Variants in CRACR2A observed in about 807,000 individuals in gnomAD.
CRACR2A encodes EF-hand calcium-binding domain-containing protein 4B.
Under a neutral mutation model 90.5 loss-of-function variants are expected in CRACR2A, and 79 were observed. The ratio of observed to expected loss-of-function variants is 0.87; its 90% CI spans 0.73 to 1.05. The LOEUF is 1.05. Ranked by LOEUF, CRACR2A falls within the 50% of genes least tolerant of loss-of-function variation. The pLI is 0.00. For synonymous variants in CRACR2A, 338 were observed against 356.7 expected (o/e 0.95, Z 0.59); for missense variants, 823 against 897.2 (o/e 0.92, Z 1.06).
At position 3,696,943 on chromosome 12, in the gene CRACR2A, A is replaced by G. The variant is rs1175738571; in HGVS notation, c.57T>C (p.Ser19=). 1 of 1,614,058 alleles carries G rather than the reference A, an allele frequency of 6.2e-7. No homozygotes were observed. Among genetic ancestry groups the G allele is most frequent in the Non-Finnish European group, 8.5e-7 (1 of 1,180,016 alleles). ...VSRPQRLGQG[S]GQGPKGSGAC... is the part of the protein sequence containing the mutation. ...CTCCACTCCCCTTTGGCCCCTGGCC[A>G]GACCCCTGACCAAGTCTCTGGGGTC... The change falls in exon 4 of 20, where the codon TCT becomes TCC. Residue 19 remains serine, a synonymous_variant. Transcript: ENST00000440314.
At chr12:3,619,153 C>T in intron 18 of CRACR2A, 118 bp downstream of exon 18, 1 of 726,658 alleles carries the variant, frequency 1.4e-6, no homozygotes. Context: ...CCATGTTTTC[C>T]AGTTGCTTCC....
Position 3,710,119 on chromosome 12 carries a change from G to A in CRACR2A, c.-37+3118C>T, listed in dbSNP as rs376260320. 1.6e-4 allele frequency among the ~76,000 whole-genome samples: 24 copies of A among 152,300 alleles called. 1 individual carries two copies. The East Asian group carries it at 4.1e-3, about 26-fold the overall frequency. On this transcript the variant is annotated intron_variant, in intron 3 of 19. Coordinates refer to ENST00000440314, the MANE Select transcript of CRACR2A (RefSeq NM_001144958.2). ...TGATCATGCCTCCCTGTTGTTTTCA[G>A]TGTCAATCTTAAACACACAGGACCA... is the stretch of plus-strand genomic sequence containing the variant.
intron 17 of CRACR2A, among the ~76,000 whole-genome samples, chr12:3,620,891 T>C (rs566479312): frequency 6.6e-6 from 1 of 152,380 alleles, no homozygotes; most frequent in South Asian, 2.1e-4. Context: ...ATATTCCAAC[T>C]ACTTGAAAGT....
intron 19 of CRACR2A, among the ~76,000 whole-genome samples, chr12:3,615,786 C>T (rs1867667914): frequency 6.6e-6 from 1 of 152,212 alleles, no homozygotes; most frequent in African/African-American, 2.4e-5. Context: ...CCCTGGCTGT[C>T]TCCCTCGGCA....
intron 2 of CRACR2A, chr12:3,726,265 G>T (rs1439382471): frequency 6.6e-6 from 1 of 152,084 alleles, no homozygotes; most frequent in Non-Finnish European, 1.5e-5. Flanking sequence ...ATCTTGTGCA[G>T]GAGCCATGCT....
chr12:3,673,614 T>G (rs371317887), intron 6 of CRACR2A, 22 bp from the exon 7 acceptor site: 9 of 1,608,618 alleles, frequency 5.6e-6, no homozygotes, highest in Non-Finnish European at 7.6e-6. Flanking sequence ...GGGACGCTCA[T>G]GTGGAAGTGT....
At chr12:3,707,573 A>C (rs1591702769) in intron 3 of CRACR2A, among the ~76,000 whole-genome samples, 1 of 152,230 alleles carries the variant, frequency 6.6e-6, no homozygotes, top group African/African-American at 2.4e-5. Context: ...AGCCAAACAT[A>C]GCCACAGCAT....
intron 11 of CRACR2A, among the ~76,000 whole-genome samples, chr12:3,647,528 T>C (rs1289051293): frequency 2.0e-5 from 3 of 152,198 alleles, no homozygotes; most frequent in African/African-American, 7.2e-5. Flanking sequence ...GTTCTCTTCC[T>C]TTTACTAAAG....
intron 3 of CRACR2A, 60 bp from the exon 4 acceptor site, chr12:3,697,095 G>C: frequency 6.7e-7 from 1 of 1,485,202 alleles, no homozygotes; most frequent in Admixed American, 2.3e-5. Flanking sequence ...GGCTGAAAAA[G>C]AACAAGAGGG....
chr12:3,733,244 C>T (rs1946390254), intron 1 of CRACR2A, 34 bp from the exon 2 acceptor site: 1 of 152,316 alleles, frequency 6.6e-6, no homozygotes, highest in Non-Finnish European at 1.5e-5. Context: ...AAGGGTTCCT[C>T]ACTTTGACTT....
At chr12:3,705,759 T>G (rs1396777092) in intron 3 of CRACR2A, among the ~76,000 whole-genome samples, 1 of 152,178 alleles carries the variant, frequency 6.6e-6, no homozygotes, top group Non-Finnish European at 1.5e-5. Context: ...ACAGACCCCT[T>G]AAACTGTGGG....
At chr12:3,654,067 A>T in intron 10 of CRACR2A, 145 bp downstream of exon 10, 1 of 805,164 alleles carries the variant, frequency 1.2e-6, no homozygotes, top group Non-Finnish European at 1.9e-6. Context: ...ATCCTAGAGG[A>T]GTGTTAGAAG....
intron 3 of CRACR2A, among the ~76,000 whole-genome samples, chr12:3,698,244 C>T (rs1945776263): frequency 6.6e-6 from 1 of 152,148 alleles, no homozygotes; most frequent in African/African-American, 2.4e-5. Context: ...TACACGATGA[C>T]ATTTGGGTTT....
intron 3 of CRACR2A, among the ~76,000 whole-genome samples, chr12:3,700,865 A>G (rs945053098): frequency 1.3e-5 from 2 of 152,244 alleles, no homozygotes; most frequent in Admixed American, 1.3e-4. Context: ...TCTTGACTTA[A>G]TTGACATTTA....
chr12:3,686,909 G>A (rs1166998585), intron 4 of CRACR2A, among the ~76,000 whole-genome samples: 2 of 152,156 alleles, frequency 1.3e-5, no homozygotes, highest in Non-Finnish European at 2.9e-5. Context: ...GCAGAGGGCA[G>A]CTTGTGCTCC....
At chr12:3,620,520 G>C (rs144231523) in intron 17 of CRACR2A, among the ~76,000 whole-genome samples, 18 of 152,234 alleles carry the variant, frequency 1.2e-4, no homozygotes, top group African/African-American at 4.3e-4. Flanking sequence ...TCCTTAATCT[G>C]TGCATTCGTT....
chr12:3,634,232 T>C (rs1047508831), intron 14 of CRACR2A, among the ~76,000 whole-genome samples: 1 of 152,208 alleles, frequency 6.6e-6, no homozygotes, highest in Non-Finnish European at 1.5e-5. Context: ...CGTCCCAGGT[T>C]GGGACAGGGA....
intron 17 of CRACR2A, among the ~76,000 whole-genome samples, chr12:3,622,647 T>TGC (rs55973420): frequency 1.3e-5 from 2 of 152,036 alleles, no homozygotes; most frequent in South Asian, 2.1e-4. Flanking sequence ...TGTGTGTGTG[T>TGC]GCGTGCGTTT....
At chr12:3,713,202 C>T (rs1437140626) in intron 3 of CRACR2A, 35 bp downstream of exon 3, 1 of 966,714 alleles carries the variant, frequency 1.0e-6, no homozygotes, top group Non-Finnish European at 1.2e-6. Context: ...AGATCTAGTA[C>T]TCTGCAACCT....
Sources: gnomAD v4.1 joint callset for allele counts (sites outside exome capture counted in the v4.1 genomes callset) on GRCh38, gnomAD v4.1.1 for gene constraint, MANE v1.5 for transcripts, NCBI Gene and HGNC (gene_info 2026-07-23, HGNC 2026-07-21) for gene names.